The following OPCML variants were observed in gnomAD, a reference collection of about 807,000 sequenced individuals.
OPCML encodes the protein opioid binding protein/cell adhesion molecule like.
OPCML carries 13 observed loss-of-function variants against 37.8 expected under a neutral mutation model. That is an observed-to-expected ratio of 0.34 (90% CI 0.22 to 0.55). OPCML has a LOEUF of 0.55. Among genes scored for constraint, OPCML ranks in the 20% least tolerant of loss-of-function variants. The pLI is 0.91. For missense variants in OPCML, 341 were observed against 435.6 expected (o/e 0.78, Z 1.93); for synonymous variants, 176 against 168.8 (o/e 1.04, Z -0.33).
chr11:133,418,569 C>A, intron 1 of OPCML: 1 of 565,626 alleles, frequency 1.8e-6, no homozygotes, highest in Non-Finnish European at 2.2e-6. Context: ...TTCTAACCTC[C>A]AAACTGTCCT....
intron 1 of OPCML, among the ~76,000 whole-genome samples, chr11:133,296,402 G>A (rs972385568): frequency 1.3e-5 from 2 of 152,132 alleles, no homozygotes; most frequent in African/African-American, 2.4e-5. Flanking sequence ...GACTCCGCAG[G>A]TACTGTGGAG....
chr11:132,793,497 G>C (rs1591618815), intron 2 of OPCML, among the ~76,000 whole-genome samples: 1 of 152,148 alleles, frequency 6.6e-6, no homozygotes, highest in Admixed American at 6.5e-5. Flanking sequence ...TGTGTCTGAT[G>C]AGTCTGTGAA....
In OPCML at chr11:133,279,001, G is replaced by A. The variant is rs375125066; in HGVS notation, c.61+253263C>T. Among the ~76,000 whole-genome samples, 52 of 152,314 alleles carry A rather than the reference G, an allele frequency of 3.4e-4. 1 individual carries two copies. Among genetic ancestry groups the A allele is most frequent in the African/African-American group, 1.2e-3 (49 of 41,572 alleles). On this transcript the variant is annotated intron_variant, in intron 1 of 7. Transcript: ENST00000524381. ...AACTCCAAAGCCTGTGCAATCACCC[G>A]CTGGATTAACAAATGCTAGCGCTTA...
chr11:132,800,790 C>T (rs951908359), intron 2 of OPCML, among the ~76,000 whole-genome samples: 3 of 152,060 alleles, frequency 2.0e-5, no homozygotes, highest in Admixed American at 6.6e-5. Flanking sequence ...TTATATATCA[C>T]TGTATTTCAC....
At chr11:132,814,268 T>C (rs1273732685) in intron 2 of OPCML, among the ~76,000 whole-genome samples, 1 of 152,166 alleles carries the variant, frequency 6.6e-6, no homozygotes, top group Non-Finnish European at 1.5e-5. Flanking sequence ...TAGGAGATTA[T>C]AGATAGAGAT....
At chr11:132,988,390 A>C (rs1224806300) in intron 1 of OPCML, among the ~76,000 whole-genome samples, 1 of 152,172 alleles carries the variant, frequency 6.6e-6, no homozygotes, top group African/African-American at 2.4e-5. Context: ...GCTTTTTCCA[A>C]TGTCTGTCTC....
chr11:132,672,697 A>C (rs2135821674), intron 2 of OPCML, among the ~76,000 whole-genome samples: 1 of 152,292 alleles, frequency 6.6e-6, no homozygotes, highest in African/African-American at 2.4e-5. Flanking sequence ...CCAAACCAAT[A>C]AAGCTCTTCC....
intron 1 of OPCML, among the ~76,000 whole-genome samples, chr11:133,329,702 G>C (rs1294721071): frequency 6.6e-6 from 1 of 152,174 alleles, no homozygotes; most frequent in Non-Finnish European, 1.5e-5. Flanking sequence ...ATGGATTAAA[G>C]ACTTAAATGT....
chr11:133,077,532 G>A (rs1027690757), intron 1 of OPCML, among the ~76,000 whole-genome samples: 1 of 151,970 alleles, frequency 6.6e-6, no homozygotes, highest in Non-Finnish European at 1.5e-5. Flanking sequence ...ACTAGAACTC[G>A]GTAAGAATTT....
intron 1 of OPCML, among the ~76,000 whole-genome samples, chr11:133,496,738 G>A (rs1947795565): frequency 6.6e-6 from 1 of 152,196 alleles, no homozygotes; most frequent in Admixed American, 6.5e-5. Context: ...ACTGATTTGT[G>A]TACATTAAAC....
chr11:133,169,837 A>G (rs2136266195), intron 1 of OPCML, among the ~76,000 whole-genome samples: 1 of 152,300 alleles, frequency 6.6e-6, no homozygotes. Context: ...GTAATTTGGG[A>G]AAAAATCATA....
rs142984746 is a variant in OPCML, at chr11:132,693,831, T to C, written c.147-36512A>G. ...CCTTTCTCTTTTATTGGGCTAGAAA[T>C]AATCAAGGGCCACCACGGAGAGGTC... On this transcript the variant is annotated intron_variant, in intron 2 of 7. Transcript: ENST00000524381. Among the ~76,000 whole-genome samples the C allele has an allele frequency of 3.5e-4, 53 of 152,282 alleles. 1 individual carries two copies. The highest frequency in any genetic ancestry group is 1.2e-3 in the African/African-American group (50 of 41,568).
At chr11:132,923,722 CATG>C (rs68152040) in intron 2 of OPCML, among the ~76,000 whole-genome samples, 33,644 of 149,858 alleles carry the variant, frequency 0.22, 4,368 homozygotes, top group Non-Finnish European at 0.31. Flanking sequence ...ACATTATTAA[CATG>C]CCCTGCGAAG....
At chr11:132,740,431 G>A (rs764105679) in intron 2 of OPCML, among the ~76,000 whole-genome samples, 1 of 152,118 alleles carries the variant, frequency 6.6e-6, no homozygotes, top group South Asian at 2.1e-4. Flanking sequence ...ATAAAACAAC[G>A]TGAAAATGGG....
At chr11:133,040,321 C>T (rs1350226597) in intron 1 of OPCML, among the ~76,000 whole-genome samples, 1 of 152,150 alleles carries the variant, frequency 6.6e-6, no homozygotes, top group Non-Finnish European at 1.5e-5. Context: ...CCACCTACCC[C>T]ACAACCTGTA....
Position 133,458,607 on chromosome 11 carries a change from GTATACACATATATACACGTGTGTGTGTA to G in OPCML, c.61+73629_61+73656del, listed in dbSNP as rs1565645633. ...TACACATATATACACGTGTGTGTGT[GTATACACATATATACACGTGTGTGTGTA>G]TATACACATAGATGCACGTGTGTGT... On this transcript the variant is annotated intron_variant, in intron 1 of 7. Transcript: ENST00000524381. Among the ~76,000 whole-genome samples the G allele has an allele frequency of 2.4e-4, 17 of 69,946 alleles. 3 individuals are homozygous for G. The highest frequency in any genetic ancestry group is 1.2e-3 in the Admixed American group (9 of 7,288). The allele number at this position is 69,946 out of a possible 152,430, so 45.9% of individuals were successfully genotyped here.
At position 132,552,763 on chromosome 11, in the gene OPCML, C is replaced by CTTTTTTTTTTT. The variant is rs562056846; in HGVS notation, c.380-23588_380-23578dup. On this transcript the variant is annotated intron_variant, in intron 3 of 7. Coordinates refer to ENST00000524381, the MANE Select transcript of OPCML (RefSeq NM_001012393.5). ...TAGTCAAACTAAATTAAACACTACT[C>CTTTTTTTTTTT]TTTTTTTTTTTTTTTTGAGACCGAG... 7.1e-3 allele frequency among the ~76,000 whole-genome samples: 659 copies of CTTTTTTTTTTT among 92,708 alleles called. 168 individuals are homozygous for CTTTTTTTTTTT. The highest frequency in any genetic ancestry group is 0.03 in the African/African-American group (536 of 17,782). 60.8% of individuals were successfully genotyped at this position (92,708 alleles called of 152,430 possible).
intron 1 of OPCML, among the ~76,000 whole-genome samples, chr11:133,256,193 A>G (rs559613107): frequency 1.3e-5 from 2 of 152,254 alleles, no homozygotes; most frequent in Non-Finnish European, 2.9e-5. Flanking sequence ...TTGCCATTGC[A>G]GTGATGAAGT....
chr11:132,916,153 G>A (rs987450464), intron 2 of OPCML, among the ~76,000 whole-genome samples: 1 of 152,066 alleles, frequency 6.6e-6, no homozygotes, highest in Non-Finnish European at 1.5e-5. Context: ...AGTATAAAGT[G>A]TAGTTTTACC....
Sources: allele counts gnomAD v4.1 joint callset (sites outside exome capture counted in the v4.1 genomes callset), GRCh38; gene constraint gnomAD v4.1.1; transcripts MANE v1.5; gene names NCBI Gene and HGNC (gene_info 2026-07-23, HGNC 2026-07-21).